Variants in PARD3 observed in about 807,000 individuals in gnomAD.
PARD3 encodes partitioning defective 3 homolog.
Under a neutral mutation model 155.4 loss-of-function variants are expected in PARD3, and 75 were observed. The observed-to-expected ratio is 0.48, with a 90% CI of 0.40 to 0.58. The LOEUF is 0.58. Among genes scored for constraint, PARD3 ranks in the 20% least tolerant of loss-of-function variants. The pLI is 0.00. For missense variants in PARD3, 1,642 were observed against 1,721.7 expected (o/e 0.95, Z 0.82); for synonymous variants, 576 against 610.5 (o/e 0.94, Z 0.83).
At chr10:34,219,741 A>G (rs1952184872) in intron 22 of PARD3, among the ~76,000 whole-genome samples, 1 of 152,180 alleles carries the variant, frequency 6.6e-6, no homozygotes, top group African/African-American at 2.4e-5. Flanking sequence ...ATCAAAAATC[A>G]CTTCTAGTCT....
At chr10:34,470,533 G>A (rs1413647695) in intron 3 of PARD3, among the ~76,000 whole-genome samples, 2 of 152,168 alleles carry the variant, frequency 1.3e-5, no homozygotes, top group Non-Finnish European at 2.9e-5. Context: ...CCCTGGCCAG[G>A]TTGCCTAACT....
chr10:34,646,901 G>A (rs1239448560), intron 2 of PARD3, among the ~76,000 whole-genome samples: 1 of 152,026 alleles, frequency 6.6e-6, no homozygotes, highest in Non-Finnish European at 1.5e-5. Context: ...TATTGCCCAG[G>A]CTTGCATGCA....
At chr10:34,265,151 T>C (rs1377658767) in intron 22 of PARD3, among the ~76,000 whole-genome samples, 1 of 152,196 alleles carries the variant, frequency 6.6e-6, no homozygotes, top group East Asian at 1.9e-4. Context: ...AAAATCAAAA[T>C]GTTACCCACG....
intron 22 of PARD3, among the ~76,000 whole-genome samples, chr10:34,151,765 G>T (rs868205982): frequency 6.6e-6 from 1 of 152,160 alleles, no homozygotes; most frequent in Non-Finnish European, 1.5e-5. Flanking sequence ...ATAATTGGAG[G>T]TTATGTTTCT....
intron 1 of PARD3, among the ~76,000 whole-genome samples, chr10:34,762,767 G>T (rs2134028815): frequency 6.6e-6 from 1 of 152,278 alleles, no homozygotes; most frequent in South Asian, 2.1e-4. Context: ...GGGCTGGCAG[G>T]ACTCTGCACT....
intron 2 of PARD3, among the ~76,000 whole-genome samples, chr10:34,637,620 A>G (rs1359485084): frequency 6.6e-6 from 1 of 152,248 alleles, no homozygotes; most frequent in Non-Finnish European, 1.5e-5. Flanking sequence ...AACTGAAAAG[A>G]AAGCCAAGGA....
intron 2 of PARD3, among the ~76,000 whole-genome samples, chr10:34,620,535 A>T (rs997937453): frequency 2.6e-5 from 4 of 152,236 alleles, no homozygotes; most frequent in Non-Finnish European, 5.9e-5. Flanking sequence ...CAATCAAAGG[A>T]AACGACGAGG....
chr10:34,662,590 C>T (rs1782412927), intron 2 of PARD3, among the ~76,000 whole-genome samples: 1 of 152,106 alleles, frequency 6.6e-6, no homozygotes, highest in South Asian at 2.1e-4. Flanking sequence ...AGAATGAGAT[C>T]AGCCAGGTGC....
chr10:34,582,109 T>C (rs1564377441), intron 2 of PARD3, among the ~76,000 whole-genome samples: 1 of 152,252 alleles, frequency 6.6e-6, no homozygotes, highest in Non-Finnish European at 1.5e-5. Context: ...TTATTGCCAA[T>C]TCAGTCATCT....
At chr10:34,178,557 G>A (rs1228211846) in intron 22 of PARD3, among the ~76,000 whole-genome samples, 1 of 152,162 alleles carries the variant, frequency 6.6e-6, no homozygotes, top group Non-Finnish European at 1.5e-5. Context: ...GGATAAGAAA[G>A]TAAACCTCCT....
At chr10:34,714,294 C>T (rs962151150) in intron 1 of PARD3, among the ~76,000 whole-genome samples, 21 of 152,292 alleles carry the variant, frequency 1.4e-4, no homozygotes, top group African/African-American at 5.1e-4. Flanking sequence ...AACCCAACTG[C>T]ATCAGAAGAA....
At chr10:34,120,059 C>G (rs1946907078) in intron 23 of PARD3, among the ~76,000 whole-genome samples, 2 of 139,554 alleles carry the variant, frequency 1.4e-5, no homozygotes, top group Admixed American at 7.4e-5. Flanking sequence ...CTCTGTCACC[C>G]AAGCAGGAGT....
At chr10:34,807,790 T>C (rs1843591897) in intron 1 of PARD3, among the ~76,000 whole-genome samples, 1 of 152,086 alleles carries the variant, frequency 6.6e-6, no homozygotes, top group Admixed American at 6.6e-5. Context: ...ATAATTGATA[T>C]TTAAAGTCAC....
chr10:34,729,283 C>T (rs1050957599), intron 1 of PARD3, among the ~76,000 whole-genome samples: 1 of 152,106 alleles, frequency 6.6e-6, no homozygotes, highest in Non-Finnish European at 1.5e-5. Context: ...ATAATCCTAG[C>T]ACTTTGGGAG....
At chr10:34,741,376 A>T (rs1055676150) in intron 1 of PARD3, among the ~76,000 whole-genome samples, 3 of 151,768 alleles carry the variant, frequency 2.0e-5, no homozygotes, top group African/African-American at 7.3e-5. Flanking sequence ...GTAGTGGTAC[A>T]GTCTCACTAT....
rs886905007 is a variant in PARD3 at position 34,559,042 on chromosome 10, T to TC, written c.223-41884dup. ...TTCATTAGAATTGAAAACTCATTTT[T>TC]CCCCCCCACAGAATTAGCCTCTAAG... On this transcript the variant is annotated intron_variant, in intron 2 of 24. Transcript: ENST00000374788. 1.6e-3 allele frequency among the ~76,000 whole-genome samples: 245 copies of TC among 150,098 alleles called. 2 individuals carry two copies. Among genetic ancestry groups the TC allele is most frequent in the Middle Eastern group, 3.4e-3 (1 of 292 alleles).
At chr10:34,769,512 T>C (rs545260279) in intron 1 of PARD3, among the ~76,000 whole-genome samples, 2 of 152,042 alleles carry the variant, frequency 1.3e-5, no homozygotes, top group African/African-American at 4.8e-5. Context: ...TCCCGGCACT[T>C]TGGGAGGCTG....
intron 1 of PARD3, among the ~76,000 whole-genome samples, chr10:34,757,552 T>C (rs1836900449): frequency 6.6e-6 from 1 of 151,628 alleles, no homozygotes; most frequent in East Asian, 1.9e-4. Context: ...CTACTAAAAA[T>C]ACAAAAAAAT....
At chr10:34,659,222 T>C (rs377465971) in intron 2 of PARD3, among the ~76,000 whole-genome samples, 11 of 152,340 alleles carry the variant, frequency 7.2e-5, no homozygotes, top group Non-Finnish European at 1.3e-4. Context: ...TCATCTGCCC[T>C]GAGTTTCCTC....
Sources: allele counts gnomAD v4.1 joint callset (sites outside exome capture counted in the v4.1 genomes callset), GRCh38; gene constraint gnomAD v4.1.1; transcripts MANE v1.5; gene names NCBI Gene and HGNC (gene_info 2026-07-23, HGNC 2026-07-21).